The following GNPAT variants were observed in gnomAD, a reference collection of about 807,000 sequenced individuals.
GNPAT encodes dihydroxyacetone phosphate acyltransferase.
In GNPAT, 30 loss-of-function variants were observed where a neutral mutation model predicts 78.4. That is an observed-to-expected ratio of 0.38 (90% confidence interval 0.29 to 0.52). The LOEUF is 0.52. Ranked by LOEUF, GNPAT falls within the 20% of genes least tolerant of loss-of-function variation. GNPAT has a pLI of 0.84. For synonymous variants in GNPAT, 271 were observed against 281.1 expected (o/e 0.96, Z 0.36); for missense variants, 714 against 812.2 (o/e 0.88, Z 1.47).
chr1:231,272,747 G>A (rs1685603264), intron 11 of GNPAT, among the ~76,000 whole-genome samples: 2 of 152,168 alleles, frequency 1.3e-5, no homozygotes, highest in Non-Finnish European at 2.9e-5. Flanking sequence ...GAGGCAGGCG[G>A]ATCACGAGGT....
intron 2 of GNPAT, among the ~76,000 whole-genome samples, chr1:231,252,640 A>AT (rs1358088799): frequency 4.0e-5 from 6 of 150,680 alleles, no homozygotes; most frequent in African/African-American, 1.5e-4. Flanking sequence ...CCATGCCCTC[A>AT]TTTTTTTCCT....
At chr1:231,271,897 T>C (rs1685577649) in intron 10 of GNPAT, among the ~76,000 whole-genome samples, 1 of 152,162 alleles carries the variant, frequency 6.6e-6, no homozygotes, top group African/African-American at 2.4e-5. Flanking sequence ...TGTCAGGAGT[T>C]CGAGTCCAGC....
intron 2 of GNPAT, among the ~76,000 whole-genome samples, chr1:231,257,217 C>G (rs1159071551): frequency 6.6e-6 from 1 of 152,192 alleles, no homozygotes; most frequent in African/African-American, 2.4e-5. Flanking sequence ...ATTGTCTTTC[C>G]TACCTGTCAG....
Position 231,275,278 on chromosome 1 carries a change from T to G in GNPAT, c.1801T>G (p.Leu601Val), listed in dbSNP as rs751204550. 1 of 1,613,394 alleles carries G rather than the reference T, an allele frequency of 6.2e-7. No individual in the cohort carries two copies. Among genetic ancestry groups the G allele is most frequent in the South Asian group, 1.1e-5 (1 of 91,084 alleles). Residue 601 changes from leucine (L) to valine (V), a missense_variant, in exon 13 of 16, where the codon TTG becomes GTG. By Grantham distance (32) the Leu-to-Val change is conservative (BLOSUM62 1). Transcript: ENST00000366647. ...GGACCACTTCAGTGAGGAACAGTAC[T>G]TGGCTGCAGTCAGAAAATTCACAAG... ...EEDHFSEEQYLAAVRKFTSQL... is the reference protein window; with the variant it reads ...EEDHFSEEQYVAAVRKFTSQL...
Position 231,267,851 on chromosome 1 carries a change from T to G in GNPAT, c.1227T>G (p.Thr409=). The G allele has an allele frequency of 6.2e-7, 1 of 1,613,966 alleles. No homozygotes were observed. The highest frequency in any genetic ancestry group is 8.5e-7 in the Non-Finnish European group (1 of 1,179,804). ...ACTTTGATGCTCTGGTGGAAAAGACTTTATGGCTAAAAGGCTTAACCCAGG... is the reference window on the plus strand; with the variant it reads ...ACTTTGATGCTCTGGTGGAAAAGACGTTATGGCTAAAAGGCTTAACCCAGG... ...SMDFDALVEK[T]LWLKGLTQAF... is the part of the protein sequence containing the mutation. The change falls in exon 9 of 16, where the codon ACT becomes ACG. Residue 409 remains threonine, a synonymous_variant. Transcript: ENST00000366647.
chr1:231,245,779 G>C (rs1571929396), intron 1 of GNPAT, among the ~76,000 whole-genome samples: 1 of 152,286 alleles, frequency 6.6e-6, no homozygotes, highest in East Asian at 1.9e-4. Context: ...CGACCAGCCT[G>C]ACCAACATCG....
Position 231,271,015 on chromosome 1 carries a change from T to C in GNPAT, c.1522+15T>C, listed in dbSNP as rs200561922. 1.6e-5 allele frequency: 26 copies of C among 1,613,982 alleles called. No individual in the cohort carries two copies. The highest frequency in any genetic ancestry group is 2.1e-5 in the Non-Finnish European group (25 of 1,179,824). ...GTTCAGGAAAGGTAATTTTCAGGAA[T>C]GCAATCTTGACTTTTAGAAGAGGTC... On this transcript the variant is annotated intron_variant, in intron 10 of 15. Coordinates refer to ENST00000366647, the MANE Select transcript of GNPAT (RefSeq NM_014236.4).
chr1:231,261,185 C>T (rs995901935), intron 3 of GNPAT, among the ~76,000 whole-genome samples: 1 of 152,192 alleles, frequency 6.6e-6, no homozygotes, highest in Non-Finnish European at 1.5e-5. Flanking sequence ...TTGTCCCAGT[C>T]ATGTCCTGTC....
Position 231,277,820 on chromosome 1 carries a change from A to G in GNPAT, c.*278A>G. On this transcript the variant is annotated 3_prime_UTR_variant, in exon 16 of 16. Coordinates refer to ENST00000366647, the MANE Select transcript of GNPAT (RefSeq NM_014236.4). ...AAAGCAAAGCTCAGCTCATTTCACT[A>G]ACACTTTTCAGCTTACTATATGTAT... 1 of 389,008 alleles carries G rather than the reference A, an allele frequency of 2.6e-6. No homozygotes were observed. Among genetic ancestry groups the G allele is most frequent in the Non-Finnish European group, 4.7e-6 (1 of 211,726 alleles). 24.1% of individuals were successfully genotyped at this position (389,008 alleles called of 1,614,324 possible).
At position 231,267,675 on chromosome 1, in the gene GNPAT, T is replaced by C. The variant is rs1011441855; in HGVS notation, c.1056-5T>C. Reference sequence around the variant, plus strand: ...TAATTTGTTGCTCTGTGCTCTTCCTTTTAGATACATTCCTCAGAAACAGTC... The same window carrying C: ...TAATTTGTTGCTCTGTGCTCTTCCTCTTAGATACATTCCTCAGAAACAGTC... On this transcript the variant is annotated splice_polypyrimidine_tract_variant and splice_region_variant and intron_variant, in intron 8 of 15. Transcript: ENST00000366647. 2.6e-6 allele frequency: 4 copies of C among 1,514,490 alleles called. No individual in the cohort carries two copies. The African/African-American group carries it at 5.5e-5, about 21-fold the overall frequency. 93.8% of individuals were successfully genotyped at this position (1,514,490 alleles called of 1,614,324 possible).
At chr1:231,258,742 T>G (rs1293807323) in intron 2 of GNPAT, among the ~76,000 whole-genome samples, 1 of 147,180 alleles carries the variant, frequency 6.8e-6, no homozygotes, top group Non-Finnish European at 1.5e-5. Flanking sequence ...ATCATTCTCC[T>G]GCCTCAGCCT....
intron 1 of GNPAT, among the ~76,000 whole-genome samples, chr1:231,247,972 C>A (rs914925190): frequency 2.0e-5 from 3 of 152,186 alleles, no homozygotes; most frequent in Non-Finnish European, 4.4e-5. Flanking sequence ...ATTTGGCAAG[C>A]TTTTTCAAAG....
At position 231,251,196 on chromosome 1, in the gene GNPAT, C is replaced by T. The variant is rs376207712; in HGVS notation, c.261+53C>T. ...CAGATTTGTTCATTGTCAACAAGTT[C>T]TTAATTCTATAACTTATTTTGCTAC... On this transcript the variant is annotated intron_variant, in intron 2 of 15. Transcript: ENST00000366647. 7.5e-6 allele frequency: 8 copies of T among 1,061,600 alleles called. No homozygotes were observed. In the African/African-American group the frequency reaches 1.1e-4, roughly 15 times the overall value. 65.8% of individuals were successfully genotyped at this position (1,061,600 alleles called of 1,614,324 possible).
chr1:231,252,488 C>T (rs75356281), intron 2 of GNPAT, among the ~76,000 whole-genome samples: 4,487 of 152,282 alleles, frequency 0.029, 171 homozygotes, highest in East Asian at 0.17. Context: ...CTTGTATGGT[C>T]ATAGGCCCAC....
intron 2 of GNPAT, among the ~76,000 whole-genome samples, chr1:231,257,516 A>T (rs573668622): frequency 7.9e-5 from 12 of 151,924 alleles, no homozygotes; most frequent in African/African-American, 2.9e-4. Flanking sequence ...TCTTACCTTG[A>T]CTTCTGTGAC....
chr1:231,241,692 T>C (rs922618030), intron 1 of GNPAT, among the ~76,000 whole-genome samples: 2 of 152,264 alleles, frequency 1.3e-5, no homozygotes, highest in African/African-American at 4.8e-5. Flanking sequence ...CTTTCCACTT[T>C]TTCCTTCTCT....
intron 1 of GNPAT, among the ~76,000 whole-genome samples, chr1:231,250,151 G>T (rs1316389623): frequency 6.6e-6 from 1 of 151,572 alleles, no homozygotes; most frequent in East Asian, 1.9e-4. Flanking sequence ...GCCCAGGCTG[G>T]TCTTGAATGC....
intron 9 of GNPAT, among the ~76,000 whole-genome samples, chr1:231,269,044 G>A (rs1685475655): frequency 6.6e-6 from 1 of 151,100 alleles, no homozygotes; most frequent in Non-Finnish European, 1.5e-5. Context: ...GTACTACCAG[G>A]GATATGAAGA....
intron 11 of GNPAT, among the ~76,000 whole-genome samples, chr1:231,273,091 C>T (rs1055675362): frequency 1.6e-4 from 25 of 152,150 alleles, no homozygotes; most frequent in African/African-American, 5.6e-4. Context: ...GCTGGTCCTG[C>T]CTGGTCTAGA....
Sources: allele counts gnomAD v4.1 joint callset (sites outside exome capture counted in the v4.1 genomes callset), GRCh38; gene constraint gnomAD v4.1.1; transcripts MANE v1.5; gene names NCBI Gene and HGNC (gene_info 2026-07-23, HGNC 2026-07-21).